Variants in POLN observed in about 807,000 individuals in gnomAD.
POLN encodes the protein DNA polymerase nu, also known as DNA polymerase N.
A neutral mutation model predicts 113.5 loss-of-function variants in POLN; 108 were observed. The ratio of observed to expected loss-of-function variants is 0.95; its 90% CI spans 0.81 to 1.12. The LOEUF (loss-of-function observed/expected upper bound fraction) is 1.12. POLN is among the 50% of genes most tolerant of loss of function. POLN has a pLI of 0.00. For missense variants in POLN, 1,097 were observed against 1,077.1 expected (o/e 1.02, Z -0.26); for synonymous variants, 386 against 391.5 (o/e 0.99, Z 0.17).
At chr4:2,176,381 C>T (rs6599411) in intron 8 of POLN, 47 bp from the exon 9 acceptor site, 205,476 of 1,406,714 alleles carry the variant, frequency 0.15, 22,639 homozygotes, top group African/African-American at 0.52. Context: ...AACTTGGTGG[C>T]AGTGCTCACC....
intron 19 of POLN, among the ~76,000 whole-genome samples, chr4:2,115,426 T>C (rs1731294049): frequency 6.6e-6 from 1 of 152,152 alleles, no homozygotes; most frequent in African/African-American, 2.4e-5. Flanking sequence ...CTATGTAGTT[T>C]TCACTTCTCT....
At chr4:2,109,743 A>AT (rs1480366906) in intron 19 of POLN, among the ~76,000 whole-genome samples, 1 of 151,764 alleles carries the variant, frequency 6.6e-6, no homozygotes, top group Non-Finnish European at 1.5e-5. Flanking sequence ...TTATCCTTTT[A>AT]TTTTCAACCT....
chr4:2,084,737 A>G (rs941826926), intron 21 of POLN, among the ~76,000 whole-genome samples: 2 of 152,224 alleles, frequency 1.3e-5, no homozygotes, highest in Non-Finnish European at 2.9e-5. Context: ...CAGAGGAAAC[A>G]GGCCGCAGCA....
At chr4:2,078,324 A>G (rs1256792015) in intron 23 of POLN, among the ~76,000 whole-genome samples, 2 of 152,282 alleles carry the variant, frequency 1.3e-5, no homozygotes, top group South Asian at 4.1e-4. Context: ...TCTGAGCCCA[A>G]CCTCTCTGGT....
At chr4:2,172,482 T>A (rs1369673727) in intron 11 of POLN, among the ~76,000 whole-genome samples, 1 of 152,200 alleles carries the variant, frequency 6.6e-6, no homozygotes, top group Non-Finnish European at 1.5e-5. Flanking sequence ...TCAGAACACT[T>A]ATTGGCCTTT....
chr4:2,193,152 G>T, intron 7 of POLN, 52 bp downstream of exon 7: 1 of 1,335,392 alleles, frequency 7.5e-7, no homozygotes, highest in Non-Finnish European at 1.1e-6. Context: ...ATTCATAGGA[G>T]GAGTCACAGT....
At chr4:2,184,873 C>T (rs184230667) in intron 7 of POLN, among the ~76,000 whole-genome samples, 2 of 152,274 alleles carry the variant, frequency 1.3e-5, no homozygotes, top group East Asian at 1.9e-4. Context: ...TCCATATGCT[C>T]ATAATGATAC....
intron 2 of POLN, among the ~76,000 whole-genome samples, chr4:2,235,510 T>C (rs1259353883): frequency 6.6e-6 from 1 of 152,232 alleles, no homozygotes; most frequent in Non-Finnish European, 1.5e-5. Flanking sequence ...GATAATTTCA[T>C]TGTGGAATAT....
intron 16 of POLN, among the ~76,000 whole-genome samples, chr4:2,136,976 G>T (rs1018496790): frequency 6.6e-6 from 1 of 152,232 alleles, no homozygotes; most frequent in Non-Finnish European, 1.5e-5. Flanking sequence ...ACACGTGCCA[G>T]GCTGTGTGAG....
chr4:2,095,839 C>T lies in POLN; in HGVS notation c.2065+12G>A, dbSNP rs1213583947. 2 of 1,613,666 alleles carry T rather than the reference C, an allele frequency of 1.2e-6. No homozygotes were observed. Among genetic ancestry groups the T allele is most frequent in the African/African-American group, 2.7e-5 (2 of 75,048 alleles). ...GTAACCCCGAGACCCCAGCTCCCGG[C>T]CCGCAGCCTACCTGCTCCATAGACC... On this transcript the variant is annotated intron_variant, in intron 20 of 25. Transcript: ENST00000511885.
At chr4:2,228,330 A>G in intron 3 of POLN, 2 of 227,910 alleles carry the variant, frequency 8.8e-6, no homozygotes, top group South Asian at 8.0e-5. Context: ...GACATTTGTG[A>G]GCATATCACT....
At chr4:2,171,421 C>A (rs1325052864) in intron 11 of POLN, among the ~76,000 whole-genome samples, 1 of 142,624 alleles carries the variant, frequency 7.0e-6, no homozygotes, top group Non-Finnish European at 1.5e-5. Context: ...ATTAGCCAGG[C>A]ATGGTGGTAC....
At chr4:2,240,539 C>G in intron 2 of POLN, 1 of 1,613,712 alleles carries the variant, frequency 6.2e-7, no homozygotes, top group Middle Eastern at 1.7e-4. Flanking sequence ...TAGCATTTAA[C>G]CTCAGAGATT....
chr4:2,097,203 A>C (rs997460033), intron 19 of POLN, among the ~76,000 whole-genome samples: 2 of 152,234 alleles, frequency 1.3e-5, no homozygotes, highest in Non-Finnish European at 2.9e-5. Flanking sequence ...GGCAGCCACC[A>C]GACTGGTGAG....
chr4:2,109,157 A>G (rs1373031090), intron 19 of POLN, among the ~76,000 whole-genome samples: 2 of 152,258 alleles, frequency 1.3e-5, no homozygotes, highest in African/African-American at 4.8e-5. Flanking sequence ...AGATTAAGCA[A>G]TATCATTTAG....
intron 4 of POLN, 106 bp downstream of exon 4, chr4:2,212,941 T>A: frequency 8.5e-6 from 5 of 586,472 alleles, no homozygotes; most frequent in Non-Finnish European, 5.2e-6. Flanking sequence ...TTTTTTTTTT[T>A]AAGGTGTGGT....
intron 16 of POLN, among the ~76,000 whole-genome samples, chr4:2,145,068 CA>C (rs1732102516): frequency 6.6e-6 from 1 of 152,054 alleles, no homozygotes; most frequent in South Asian, 2.1e-4. Flanking sequence ...ATAGCTATAA[CA>C]AACAGTTACC....
chr4:2,172,290 G>A (rs1378951684), intron 11 of POLN, among the ~76,000 whole-genome samples: 1 of 152,172 alleles, frequency 6.6e-6, no homozygotes, highest in East Asian at 1.9e-4. Flanking sequence ...CAACTGCAAT[G>A]ACCACAACAT....
intron 22 of POLN, 200 bp from the exon 23 acceptor site, chr4:2,081,236 C>G: frequency 6.6e-7 from 1 of 1,515,184 alleles, no homozygotes; most frequent in Non-Finnish European, 8.9e-7. Flanking sequence ...CTGCAGGGCA[C>G]CTGGGTTTTG....
Sources: allele counts gnomAD v4.1 joint callset (sites outside exome capture counted in the v4.1 genomes callset), GRCh38; gene constraint gnomAD v4.1.1; transcripts MANE v1.5; gene names NCBI Gene and HGNC (gene_info 2026-07-23, HGNC 2026-07-21).